Variants in SNED1 observed in about 807,000 individuals in gnomAD.
SNED1 encodes sushi, nidogen and EGF-like domain-containing protein 1.
In SNED1, 81 loss-of-function variants were observed where a neutral mutation model predicts 166.7. That is an observed-to-expected ratio of 0.49 (90% confidence interval 0.41 to 0.58). The LOEUF is 0.58. Ranked by LOEUF, SNED1 falls within the 20% of genes least tolerant of loss-of-function variation. The pLI is 0.00. For synonymous variants in SNED1, 762 were observed against 822.0 expected (o/e 0.93, Z 1.25); for missense variants, 1,604 against 2,000.2 (o/e 0.80, Z 3.78).
chr2:241,020,566 A>T (rs1434010107), intron 1 of SNED1, among the ~76,000 whole-genome samples: 1 of 152,164 alleles, frequency 6.6e-6, no homozygotes, highest in Non-Finnish European at 1.5e-5. Context: ...TGAACATACC[A>T]TTTCCTTTAG....
rs73010048 is a variant in SNED1, at chr2:241,082,864, C to T, written c.4121+500C>T. Among the ~76,000 whole-genome samples, 1,476 of 152,078 alleles carry T rather than the reference C, an allele frequency of 9.7e-3. 20 individuals carry two copies. The highest frequency in any genetic ancestry group is 0.033 in the African/African-American group (1,357 of 41,530). On this transcript the variant is annotated intron_variant, in intron 29 of 31. Coordinates refer to ENST00000310397, the MANE Select transcript of SNED1 (RefSeq NM_001080437.3). ...TCTTGCTAACACTCTATGACTCTGT[C>T]GGTCACACAGTCCATTTAGTCAACA...
intron 17 of SNED1, 145 bp from the exon 18 acceptor site, chr2:241,063,442 A>T: frequency 1.5e-6 from 1 of 673,172 alleles, no homozygotes. Flanking sequence ...TTTGGGGCTG[A>T]TGGAAGAAAA....
Position 241,063,572 on chromosome 2 carries a change from C to T in SNED1, c.2372-15C>T. ...CTTGAGCCAGCAACACCCTTGACAC[C>T]CCTTCTCTGTGCAGAGAGGGATGAG... On this transcript the variant is annotated splice_polypyrimidine_tract_variant and intron_variant, in intron 17 of 31. Transcript: ENST00000310397. 1.3e-6 allele frequency: 2 copies of T among 1,548,126 alleles called. No homozygotes were observed. The highest frequency in any genetic ancestry group is 4.6e-5 in the East Asian group (2 of 43,438).
At chr2:241,065,627 C>T (rs2062410413) in intron 21 of SNED1, 32 bp downstream of exon 21, 1 of 1,596,826 alleles carries the variant, frequency 6.3e-7, no homozygotes, top group African/African-American at 1.3e-5. Context: ...CGTCCCTGCC[C>T]AGCCCCTGCC....
At chr2:241,090,155 G>A (rs961744894) in intron 31 of SNED1, 86 of 1,461,350 alleles carry the variant, frequency 5.9e-5, no homozygotes, top group Middle Eastern at 2.4e-4. Context: ...CACACTGTAC[G>A]GATGTTCAAA....
intron 21 of SNED1, among the ~76,000 whole-genome samples, 198 bp from the exon 22 acceptor site, chr2:241,067,539 CTCTGCAGCCGTCATGCTCACAGCGGGT>C (rs1439424219): frequency 6.6e-6 from 1 of 152,202 alleles, no homozygotes; most frequent in Admixed American, 6.5e-5. Context: ...CCACAGCGGG[CTCTGCAGCCGTCATGCTCACAGCGGGT>C]TCTGCAGCTG....
rs116622787 is a variant in SNED1, at chr2:241,066,283, C to T, written c.3010+688C>T. On this transcript the variant is annotated intron_variant, in intron 21 of 31. Coordinates refer to ENST00000310397, the MANE Select transcript of SNED1 (RefSeq NM_001080437.3). Reference sequence around the variant, plus strand: ...GTGTCGGGGAGCAGAAGATGCTGAGCGCTCTAGGGAAGGCGTCAGGGCTTA... The same window carrying T: ...GTGTCGGGGAGCAGAAGATGCTGAGTGCTCTAGGGAAGGCGTCAGGGCTTA... 4.8e-3 allele frequency among the ~76,000 whole-genome samples: 724 copies of T among 152,228 alleles called. 7 individuals are homozygous for T. The highest frequency in any genetic ancestry group is 0.016 in the African/African-American group (675 of 41,544).
At chr2:241,087,541 G>A (rs1482449875) in intron 30 of SNED1, 66 bp downstream of exon 30, 10 of 1,526,838 alleles carry the variant, frequency 6.5e-6, no homozygotes, top group African/African-American at 1.5e-5. Flanking sequence ...GGGCAAGGGC[G>A]GGGTGCTATG....
At chr2:241,007,753 C>T (rs926000100) in intron 1 of SNED1, among the ~76,000 whole-genome samples, 2 of 152,328 alleles carry the variant, frequency 1.3e-5, no homozygotes, top group South Asian at 4.2e-4. Context: ...TACCCATGCC[C>T]TAACTTTTCT....
At chr2:241,050,423 AC>A (rs2061802052) in intron 12 of SNED1, among the ~76,000 whole-genome samples, 1 of 151,296 alleles carries the variant, frequency 6.6e-6, no homozygotes, top group Non-Finnish European at 1.5e-5. Flanking sequence ...CCCATCAGTC[AC>A]CCCCAGACCT....
chr2:241,066,997 TCAG>T (rs1174263169), intron 21 of SNED1, among the ~76,000 whole-genome samples: 1 of 152,134 alleles, frequency 6.6e-6, no homozygotes, highest in Non-Finnish European at 1.5e-5. Flanking sequence ...TGAGCAGGTG[TCAG>T]CAGGAGCTGC....
In SNED1 at chr2:241,033,806, C is replaced by T. The variant is rs61746865; in HGVS notation, c.573C>T (p.Ile191=). 0.026 allele frequency: 41,690 copies of T among 1,610,874 alleles called. 2,019 individuals carry two copies. The highest frequency in any genetic ancestry group is 0.2 in the African/African-American group (14,677 of 74,972). The change falls in exon 3 of 32, where the codon ATC becomes ATT. Residue 191 remains isoleucine, a synonymous_variant. Transcript: ENST00000310397. ...LSFTIFNYES[I]VWTTGTHASS... Reference sequence around the variant, plus strand: ...TCACCATCTTCAACTATGAGTCCATCGTGTGGACCACAGGCACACACGCCA... The same window carrying T: ...TCACCATCTTCAACTATGAGTCCATTGTGTGGACCACAGGCACACACGCCA...
In SNED1 at chr2:241,065,596, G is replaced by A. The variant is rs1471814215; in HGVS notation, c.3010+1G>A. On this transcript the variant is annotated splice_donor_variant, in intron 21 of 31. Transcript: ENST00000310397. LOFTEE classifies it high-confidence loss of function. ...CCTGCCGTGCTGCTGGCCCGCACGC[G>A]TGAGTGTCCCCGAGCCTGGCCGTCC... The A allele has an allele frequency of 3.1e-6, 5 of 1,610,548 alleles. No individual in the cohort carries two copies. The highest frequency in any genetic ancestry group is 1.3e-5 in the African/African-American group (1 of 74,870).
In SNED1 at chr2:241,069,554, C is replaced by T. The variant is rs1471059450; in HGVS notation, c.3308-366C>T. Among the ~76,000 whole-genome samples, 1 of 152,210 alleles carries T rather than the reference C, an allele frequency of 6.6e-6. No homozygotes were observed. On this transcript the variant is annotated intron_variant, in intron 23 of 31. Coordinates refer to ENST00000310397, the MANE Select transcript of SNED1 (RefSeq NM_001080437.3). The surrounding 1 kb of genome is among the most constrained non-coding windows in gnomAD (Gnocchi z 4.9). ...CCCTGCCCACCTGTGCACTCAGATG[C>T]TGCCCGCCTGGCATGGGAAAGGCTG... is the stretch of plus-strand genomic sequence containing the variant.
chr2:241,040,843 C>T (rs1173627483), intron 8 of SNED1: 2 of 471,926 alleles, frequency 4.2e-6, no homozygotes, highest in Non-Finnish European at 8.8e-6. Context: ...GAAAACTGAC[C>T]TTTCACTATT....
chr2:241,068,024 G>C lies in SNED1; in HGVS notation c.3194+77G>C, dbSNP rs563204287. 8.9e-6 allele frequency: 12 copies of C among 1,354,382 alleles called. No individual in the cohort carries two copies. Among genetic ancestry groups the C allele is most frequent in the Non-Finnish European group, 1.1e-5 (11 of 981,308 alleles). 83.9% of individuals were successfully genotyped at this position (1,354,382 alleles called of 1,614,324 possible). ...CTCGGGGACACGGGGCCCAGGTCTC[G>C]GGCACATTCTCCGTGTGTGGACTGT... On this transcript the variant is annotated intron_variant, in intron 22 of 31. Coordinates refer to ENST00000310397, the MANE Select transcript of SNED1 (RefSeq NM_001080437.3). The surrounding 1 kb of genome is among the most constrained non-coding windows in gnomAD (Gnocchi z 5.3).
chr2:241,036,937 G>A (rs754260429), intron 5 of SNED1, 22 bp downstream of exon 5: 15 of 1,599,440 alleles, frequency 9.4e-6, no homozygotes, highest in Non-Finnish European at 1.2e-5. Flanking sequence ...GCCCAGGGCG[G>A]GACCACCCGC....
chr2:240,998,529 C>T (rs944608862), upstream of SNED1, among the ~76,000 whole-genome samples: 1 of 151,930 alleles, frequency 6.6e-6, no homozygotes, highest in Non-Finnish European at 1.5e-5. Flanking sequence ...CGGGGCCTGG[C>T]GCTTTAAGAG....
At chr2:241,072,458 C>T in intron 26 of SNED1, 1 of 354,500 alleles carries the variant, frequency 2.8e-6, no homozygotes, top group South Asian at 2.1e-5. Flanking sequence ...CGACCCTGCC[C>T]CAGAGGGGAC....
Sources: allele counts gnomAD v4.1 joint callset (sites outside exome capture counted in the v4.1 genomes callset), GRCh38; gene constraint gnomAD v4.1.1; non-coding constraint Gnocchi (gnomAD v3.1); transcripts MANE v1.5; gene names NCBI Gene and HGNC (gene_info 2026-07-23, HGNC 2026-07-21).